Variants in NPAS3 observed in about 807,000 individuals in gnomAD.
NPAS3 encodes the protein neuronal PAS domain-containing protein 3.
NPAS3 carries 14 observed loss-of-function variants against 73.1 expected under a neutral mutation model. The observed-to-expected ratio is 0.19, with a 90% confidence interval of 0.13 to 0.30. The LOEUF (loss-of-function observed/expected upper bound fraction) is 0.30, where lower values mean the gene tolerates loss of function less well. NPAS3 is among the 10% of genes least tolerant of loss of function. The pLI is 1.00. For synonymous variants in NPAS3, 620 were observed against 541.5 expected (o/e 1.14, Z -2.01); for missense variants, 1,096 against 1,250.0 (o/e 0.88, Z 1.86).
intron 9 of NPAS3, among the ~76,000 whole-genome samples, chr14:33,784,729 A>ATTTTTTTTTTTTTTTTTTTTT (rs1342325354): frequency 1.1e-5 from 1 of 90,206 alleles, no homozygotes; most frequent in African/African-American, 5.6e-5. Context: ...ATTTTTATTT[A>ATTTTTTTTTTTTTTTTTTTTT]TTTATTTATT....
intron 4 of NPAS3, among the ~76,000 whole-genome samples, chr14:33,521,282 A>T (rs2053543074): frequency 6.6e-6 from 1 of 152,152 alleles, no homozygotes; most frequent in Non-Finnish European, 1.5e-5. Context: ...GGCAATACAG[A>T]CAAAAGACTG....
chr14:33,622,176 C>T (rs1364323841), intron 5 of NPAS3, among the ~76,000 whole-genome samples: 5 of 152,116 alleles, frequency 3.3e-5, no homozygotes, highest in Non-Finnish European at 5.9e-5. Context: ...CCAGTCGGTT[C>T]TAAGAGCAAA....
chr14:32,952,321 T>TC (rs757630975), intron 1 of NPAS3, among the ~76,000 whole-genome samples: 12 of 152,114 alleles, frequency 7.9e-5, no homozygotes, highest in Non-Finnish European at 8.8e-5. Context: ...AACTCCTTTT[T>TC]CCCCCTCATC....
chr14:33,379,802 A>G (rs2046461748), intron 4 of NPAS3, among the ~76,000 whole-genome samples: 1 of 152,228 alleles, frequency 6.6e-6, no homozygotes, highest in African/African-American at 2.4e-5. Context: ...ACACGTGAGG[A>G]AAGTGGCTTA....
intron 1 of NPAS3, among the ~76,000 whole-genome samples, chr14:32,992,897 G>A (rs1328798688): frequency 6.6e-6 from 1 of 152,096 alleles, no homozygotes; most frequent in Non-Finnish European, 1.5e-5. Flanking sequence ...GCTCACGCTT[G>A]TAATCCCAGC....
chr14:33,354,789 GCT>G (rs1425876801), intron 3 of NPAS3, among the ~76,000 whole-genome samples: 1 of 152,138 alleles, frequency 6.6e-6, no homozygotes, highest in African/African-American at 2.4e-5. Context: ...TAATCACAAA[GCT>G]CTCTCAGTCC....
At chr14:33,669,945 C>T (rs564958543) in intron 5 of NPAS3, among the ~76,000 whole-genome samples, 1 of 152,114 alleles carries the variant, frequency 6.6e-6, no homozygotes, top group South Asian at 2.1e-4. Flanking sequence ...GACAGAGTCT[C>T]ACTCTTGTCA....
At chr14:33,150,954 C>T (rs7157459) in intron 2 of NPAS3, among the ~76,000 whole-genome samples, 2,136 of 152,276 alleles carry the variant, frequency 0.014, 55 homozygotes, top group African/African-American at 0.049. Flanking sequence ...CTATTGATTG[C>T]GGTACCACTT....
intron 1 of NPAS3, among the ~76,000 whole-genome samples, chr14:32,958,020 A>G (rs1170228978): frequency 6.6e-6 from 1 of 152,134 alleles, no homozygotes; most frequent in African/African-American, 2.4e-5. Context: ...TTACATTATA[A>G]CCACTCTTTG....
chr14:33,138,135 T>C (rs2043909858), intron 2 of NPAS3, among the ~76,000 whole-genome samples: 1 of 151,950 alleles, frequency 6.6e-6, no homozygotes, highest in Non-Finnish European at 1.5e-5. Context: ...ACATTTGCCA[T>C]GTTGGTGTGC....
chr14:33,514,250 C>T (rs151232953), intron 4 of NPAS3, among the ~76,000 whole-genome samples: 24 of 152,126 alleles, frequency 1.6e-4, no homozygotes, highest in African/African-American at 5.1e-4. Flanking sequence ...GCCTTGTCAA[C>T]GGAGTTGCAC....
At chr14:33,281,908 C>T (rs1463818826) in intron 3 of NPAS3, among the ~76,000 whole-genome samples, 4 of 152,096 alleles carry the variant, frequency 2.6e-5, no homozygotes, top group Non-Finnish European at 5.9e-5. Flanking sequence ...AGAGGCCAGT[C>T]GTTTGTGAGT....
chr14:33,108,214 G>T (rs2042781522), intron 2 of NPAS3, among the ~76,000 whole-genome samples: 1 of 127,058 alleles, frequency 7.9e-6, no homozygotes, highest in African/African-American at 3.0e-5. Flanking sequence ...TTTTTTTTGA[G>T]ATGGAATCTC....
At chr14:33,537,850 G>T (rs1056036379) in intron 4 of NPAS3, among the ~76,000 whole-genome samples, 2 of 152,174 alleles carry the variant, frequency 1.3e-5, no homozygotes, top group African/African-American at 4.8e-5. Flanking sequence ...GAAGAGGGGA[G>T]CCTGGGGGCT....
chr14:33,174,546 A>G (rs529969225), intron 2 of NPAS3, among the ~76,000 whole-genome samples: 24 of 152,320 alleles, frequency 1.6e-4, no homozygotes, highest in Middle Eastern at 3.4e-3. Flanking sequence ...GCCTCATTTT[A>G]ACATGTGGGT....
chr14:33,146,298 C>T (rs1057205450), intron 2 of NPAS3, among the ~76,000 whole-genome samples: 4 of 152,084 alleles, frequency 2.6e-5, no homozygotes, highest in South Asian at 2.1e-4. Flanking sequence ...CAAGGGTTTG[C>T]GTAACTGTTC....
intron 4 of NPAS3, among the ~76,000 whole-genome samples, chr14:33,498,935 AGTGTGTGTGTGTGTGTGT>A (rs3058422): frequency 2.0e-4 from 19 of 94,936 alleles, no homozygotes; most frequent in South Asian, 1.3e-3. Flanking sequence ...ACAGAGAGAG[AGTGTGTGTGTGTGTGTGT>A]GTGTGTGTGT....
At chr14:33,382,381 G>C (rs1011203660) in intron 4 of NPAS3, among the ~76,000 whole-genome samples, 1 of 152,092 alleles carries the variant, frequency 6.6e-6, no homozygotes, top group East Asian at 1.9e-4. Flanking sequence ...ATGATCTTTG[G>C]AGATCCTTCT....
chr14:33,331,745 A>G (rs185302285), intron 3 of NPAS3, among the ~76,000 whole-genome samples: 99 of 152,338 alleles, frequency 6.5e-4, no homozygotes, highest in African/African-American at 1.9e-3. Flanking sequence ...ATATTTGAAC[A>G]TGATGACATC....
Sources: allele counts gnomAD v4.1 joint callset (sites outside exome capture counted in the v4.1 genomes callset), GRCh38; gene constraint gnomAD v4.1.1; transcripts MANE v1.5; gene names NCBI Gene and HGNC (gene_info 2026-07-23, HGNC 2026-07-21).